The following AP3B1 variants were observed in gnomAD, a reference collection of about 807,000 sequenced individuals.
AP3B1 encodes AP-3 complex subunit beta-1.
AP3B1 carries 61 observed loss-of-function variants against 132.5 expected under a neutral mutation model. The observed-to-expected ratio is 0.46, with a 90% CI of 0.37 to 0.57. The LOEUF (loss-of-function observed/expected upper bound fraction) is 0.57. AP3B1 is among the 20% of genes least tolerant of loss of function. AP3B1 has a pLI of 0.00. For synonymous variants in AP3B1, 388 were observed against 438.3 expected (o/e 0.89, Z 1.43); for missense variants, 1,120 against 1,289.4 (o/e 0.87, Z 2.01).
chr5:78,283,792 T>A (rs1382874152), intron 1 of AP3B1, among the ~76,000 whole-genome samples: 1 of 152,170 alleles, frequency 6.6e-6, no homozygotes, highest in East Asian at 1.9e-4. Context: ...CACATACTTG[T>A]CCAATCCAAA....
chr5:78,211,308 T>C (rs1745726925), intron 7 of AP3B1, among the ~76,000 whole-genome samples: 1 of 152,196 alleles, frequency 6.6e-6, no homozygotes, highest in Admixed American at 6.5e-5. Context: ...AGATGTCAGT[T>C]AGAAAAATTA....
intron 2 of AP3B1, among the ~76,000 whole-genome samples, chr5:78,263,711 T>C (rs1748198328): frequency 6.6e-6 from 1 of 152,180 alleles, no homozygotes; most frequent in African/African-American, 2.4e-5. Context: ...TCAAAGTGTA[T>C]TAAATTTTGT....
intron 26 of AP3B1, among the ~76,000 whole-genome samples, chr5:78,007,299 A>G (rs1337712410): frequency 6.6e-6 from 1 of 152,322 alleles, no homozygotes; most frequent in South Asian, 2.1e-4. Flanking sequence ...ACTTAATGCA[A>G]CAGCTCTAAG....
chr5:78,020,629 G>A (rs1015294748), intron 25 of AP3B1, 63 bp downstream of exon 25: 1 of 1,288,716 alleles, frequency 7.8e-7, no homozygotes, highest in Non-Finnish European at 1.1e-6. Context: ...TTTAGAGACT[G>A]TACAGGAATA....
chr5:78,031,334 C>CCCCACCAGCAAACGTGACACTG (rs1422777339), intron 24 of AP3B1, among the ~76,000 whole-genome samples: 2 of 152,164 alleles, frequency 1.3e-5, no homozygotes, highest in Admixed American at 6.5e-5. Context: ...GGCCTTTCCT[C>CCCCACCAGCAAACGTGACACTG]CCCACCAGCA....
At chr5:78,044,351 A>G (rs906898144) in intron 22 of AP3B1, among the ~76,000 whole-genome samples, 2 of 152,218 alleles carry the variant, frequency 1.3e-5, no homozygotes, top group African/African-American at 4.8e-5. Context: ...CTGGCTAATT[A>G]TATTTTTCAG....
chr5:78,270,658 A>G (rs1748511299), intron 1 of AP3B1, among the ~76,000 whole-genome samples: 1 of 152,234 alleles, frequency 6.6e-6, no homozygotes, highest in Admixed American at 6.5e-5. Context: ...AAACAGAGTC[A>G]GAACTTACCA....
At chr5:78,089,136 T>C (rs1008173216) in intron 22 of AP3B1, 2 of 402,226 alleles carry the variant, frequency 5.0e-6, no homozygotes, top group Non-Finnish European at 9.2e-6. Context: ...AGAACCTTTG[T>C]ATGTTACAGA....
intron 23 of AP3B1, among the ~76,000 whole-genome samples, chr5:78,036,681 G>A (rs915514914): frequency 2.0e-5 from 3 of 152,032 alleles, no homozygotes; most frequent in African/African-American, 7.2e-5. Flanking sequence ...GCCAAACACA[G>A]AGTGAAATCC....
At position 78,214,662 on chromosome 5, in the gene AP3B1, C is replaced by G. The variant is rs547271722; in HGVS notation, c.786+1393G>C. Reference sequence around the variant, plus strand: ...AATTGGCTGAAATCAAACAAATAAGCTGTTTGGCAACAAAAATCTCTCATC... The same window carrying G: ...AATTGGCTGAAATCAAACAAATAAGGTGTTTGGCAACAAAAATCTCTCATC... On this transcript the variant is annotated intron_variant, in intron 7 of 26. Transcript: ENST00000255194. Among the ~76,000 whole-genome samples the G allele has an allele frequency of 1.3e-3, 192 of 152,186 alleles. 2 individuals are homozygous for G. The highest frequency in any genetic ancestry group is 5.8e-4 in the African/African-American group (24 of 41,558).
rs66493022 is a variant in AP3B1 at position 78,223,027 on chromosome 5, C to CTCTTTTT, written c.603+2514_603+2515insAAAAAGA. ...TGTTTTTTTGTTTGTTTGTTTGTTTCTTTTTTTTTTTTTGTAGAGACAAGG... is the reference window on the plus strand; with the variant it reads ...TGTTTTTTTGTTTGTTTGTTTGTTTCTCTTTTTTTTTTTTTTTTTTGTAGAGACAAGG... On this transcript the variant is annotated intron_variant, in intron 6 of 26. Coordinates refer to ENST00000255194, the MANE Select transcript of AP3B1 (RefSeq NM_003664.5). Among the ~76,000 whole-genome samples the CTCTTTTT allele has an allele frequency of 1.2e-4, 15 of 127,818 alleles. No individual in the cohort carries two copies. The East Asian group carries it at 2.7e-3, about 23-fold the overall frequency. 83.9% of individuals were successfully genotyped at this position (127,818 alleles called of 152,430 possible).
At chr5:78,079,889 G>A (rs377493223) in intron 22 of AP3B1, among the ~76,000 whole-genome samples, 14 of 152,270 alleles carry the variant, frequency 9.2e-5, no homozygotes, top group Admixed American at 7.2e-4. Context: ...TGGATTTGGT[G>A]TTCGCCAGTT....
intron 22 of AP3B1, among the ~76,000 whole-genome samples, chr5:78,049,565 C>A (rs925358840): frequency 1.3e-5 from 2 of 152,066 alleles, no homozygotes; most frequent in African/African-American, 4.8e-5. Context: ...TAGAAGAACA[C>A]AAAAGTCATA....
At chr5:78,256,681 C>T (rs1226195332) in intron 2 of AP3B1, among the ~76,000 whole-genome samples, 2 of 152,056 alleles carry the variant, frequency 1.3e-5, no homozygotes, top group Non-Finnish European at 2.9e-5. Flanking sequence ...GCCAGTATTA[C>T]CCTGATACCA....
chr5:78,211,301 T>C (rs1333233198), intron 7 of AP3B1, among the ~76,000 whole-genome samples: 1 of 152,218 alleles, frequency 6.6e-6, no homozygotes, highest in East Asian at 1.9e-4. Context: ...TCATCAAAGA[T>C]GTCAGTTAGA....
intron 13 of AP3B1, among the ~76,000 whole-genome samples, chr5:78,156,596 T>A (rs1027562433): frequency 6.6e-6 from 1 of 152,232 alleles, no homozygotes; most frequent in African/African-American, 2.4e-5. Context: ...TCCTAGCTTC[T>A]GTAGTTCCTT....
chr5:78,248,478 G>A (rs1170630916), intron 2 of AP3B1, among the ~76,000 whole-genome samples: 10 of 118,668 alleles, frequency 8.4e-5, no homozygotes, highest in Non-Finnish European at 1.6e-4. Context: ...GGGCAACAGA[G>A]CGAGACTCTG....
chr5:78,151,768 G>A (rs1056764549), intron 14 of AP3B1, among the ~76,000 whole-genome samples: 2 of 151,754 alleles, frequency 1.3e-5, no homozygotes, highest in African/African-American at 2.4e-5. Flanking sequence ...TTTTGTTGAG[G>A]ATTTTTACAT....
At chr5:78,205,479 A>G (rs1745467156) in intron 7 of AP3B1, among the ~76,000 whole-genome samples, 1 of 151,986 alleles carries the variant, frequency 6.6e-6, no homozygotes, top group African/African-American at 2.4e-5. Flanking sequence ...ATTTTTATAT[A>G]TATAGGCACT....
Sources: allele counts gnomAD v4.1 joint callset (sites outside exome capture counted in the v4.1 genomes callset), GRCh38; gene constraint gnomAD v4.1.1; transcripts MANE v1.5; gene names NCBI Gene and HGNC (gene_info 2026-07-23, HGNC 2026-07-21).